Variants in DNAH8 observed in about 807,000 individuals in gnomAD.
DNAH8 encodes dynein axonemal heavy chain 8.
Under a neutral mutation model 562.1 loss-of-function variants are expected in DNAH8, and 382 were observed. The observed-to-expected ratio is 0.68, with a 90% CI of 0.63 to 0.74. The LOEUF is 0.74. Among genes scored for constraint, DNAH8 ranks in the 30% least tolerant of loss-of-function variants. DNAH8 has a pLI of 0.00. For synonymous variants in DNAH8, 1,881 were observed against 1,919.4 expected (o/e 0.98, Z 0.52); for missense variants, 5,203 against 5,620.4 (o/e 0.93, Z 2.37).
intron 1 of DNAH8, chr6:38,716,612 A>C (rs1220040898): frequency 2.0e-5 from 3 of 152,078 alleles, no homozygotes; most frequent in African/African-American, 4.8e-5. Flanking sequence ...TTCACCTGTC[A>C]TTGACATTGA....
intron 41 of DNAH8, among the ~76,000 whole-genome samples, chr6:38,854,659 G>A (rs562736610): frequency 3.3e-5 from 5 of 151,998 alleles, no homozygotes; most frequent in South Asian, 2.1e-4. Context: ...CTAAATCCAC[G>A]TATTTTCTTT....
chr6:38,804,805 C>T (rs1291364226), intron 22 of DNAH8, among the ~76,000 whole-genome samples: 2 of 146,500 alleles, frequency 1.4e-5, no homozygotes, highest in African/African-American at 2.6e-5. Flanking sequence ...GAAAACTGTG[C>T]CTGGAACAGT....
At chr6:38,758,721 G>A (rs1766179934) in intron 10 of DNAH8, among the ~76,000 whole-genome samples, 1 of 152,102 alleles carries the variant, frequency 6.6e-6, no homozygotes, top group Non-Finnish European at 1.5e-5. Flanking sequence ...CTAATTTATT[G>A]AGAGTTTTTA....
chr6:38,843,253 C>T (rs1562966648), intron 35 of DNAH8, among the ~76,000 whole-genome samples: 1 of 151,814 alleles, frequency 6.6e-6, no homozygotes, highest in African/African-American at 2.4e-5. Context: ...TAATTTTATG[C>T]TTTTTCCTGT....
At chr6:39,007,793 C>T (rs1314217299) in intron 88 of DNAH8, among the ~76,000 whole-genome samples, 1 of 152,008 alleles carries the variant, frequency 6.6e-6, no homozygotes, top group Non-Finnish European at 1.5e-5. Context: ...TGCCTCCCAC[C>T]ACCCCACCCC....
At chr6:38,777,662 T>G (rs1738261) in intron 13 of DNAH8, among the ~76,000 whole-genome samples, 38,672 of 151,976 alleles carry the variant, frequency 0.25, 5,492 homozygotes, top group East Asian at 0.46. Flanking sequence ...TGAACTGCTG[T>G]CCTCAAGCTA....
intron 41 of DNAH8, among the ~76,000 whole-genome samples, chr6:38,854,190 G>A (rs527382654): frequency 2.0e-5 from 3 of 152,186 alleles, no homozygotes; most frequent in African/African-American, 7.2e-5. Flanking sequence ...GACATAAATT[G>A]TTGAGAGGCT....
In DNAH8 at chr6:38,746,129, T is replaced by C. The variant is rs149690973; in HGVS notation, c.1293+4242T>C. ...TCCTTCCACGTTTATTAATCAGAAT[T>C]CTTATGTAAGAAAATGTTGTCTCTT... On this transcript the variant is annotated intron_variant, in intron 8 of 92. Transcript: ENST00000327475. 4.9e-3 allele frequency among the ~76,000 whole-genome samples: 739 copies of C among 152,340 alleles called. 8 individuals carry two copies. The highest frequency in any genetic ancestry group is 0.017 in the African/African-American group (696 of 41,584).
intron 26 of DNAH8, among the ~76,000 whole-genome samples, chr6:38,818,485 AT>A: frequency 6.7e-6 from 1 of 149,314 alleles, no homozygotes; most frequent in Non-Finnish European, 1.5e-5. Context: ...ATGCTTTTCC[AT>A]AAAGTTACTG....
At chr6:38,883,125 T>A in intron 54 of DNAH8, 73 bp downstream of exon 54, 1 of 1,412,810 alleles carries the variant, frequency 7.1e-7, no homozygotes, top group Non-Finnish European at 9.5e-7. Flanking sequence ...CCATATTTTC[T>A]TCCAGCACTT....
intron 8 of DNAH8, among the ~76,000 whole-genome samples, chr6:38,744,641 G>A (rs1445326772): frequency 6.6e-6 from 1 of 151,940 alleles, no homozygotes; most frequent in Non-Finnish European, 1.5e-5. Flanking sequence ...CACTTAGGCT[G>A]GAGTGCAGTG....
In DNAH8 at chr6:38,866,655, C is replaced by T. The variant is rs1173170111; in HGVS notation, c.6563C>T (p.Ala2188Val). The change falls in exon 46 of 93, where the codon GCT becomes GTT. Residue 2188 changes from alanine (A) to valine (V), a missense_variant. Around this residue, in one of 6 missense-constraint regions of DNAH8, gnomAD observed 2,176 missense variants for 2,365.1 expected, o/e 0.92. Coordinates refer to ENST00000327475, the MANE Select transcript of DNAH8 (RefSeq NM_001206927.2). ...CTAAAAATCCAGTTTAGAACTGTTG[C>T]TATGATGGTTCCTGATAGACAGGTA... ...ENLKIQFRTV[A>V]MMVPDRQIIM... 1 of 1,612,910 alleles carries T rather than the reference C, an allele frequency of 6.2e-7. No individual in the cohort carries two copies. The highest frequency in any genetic ancestry group is 1.7e-5 in the Admixed American group (1 of 59,936).
intron 28 of DNAH8, among the ~76,000 whole-genome samples, chr6:38,825,746 C>T (rs1562916154): frequency 1.3e-5 from 2 of 152,072 alleles, no homozygotes; most frequent in Admixed American, 6.6e-5. Context: ...AGTAGAAAAG[C>T]AAGAAACCTG....
chr6:38,831,410 G>A (rs1027141587), intron 30 of DNAH8, among the ~76,000 whole-genome samples: 4 of 123,514 alleles, frequency 3.2e-5, no homozygotes, highest in Non-Finnish European at 6.4e-5. Context: ...CCAGCCTGGT[G>A]ACAGAGTGAG....
intron 11 of DNAH8, chr6:38,763,611 C>T (rs1326289549): frequency 2.3e-5 from 4 of 175,950 alleles, no homozygotes; most frequent in Admixed American, 6.3e-5. Context: ...CCCAGGAGTT[C>T]GAGACCAGCC....
chr6:38,722,792 C>T lies in DNAH8; in HGVS notation c.-18C>T. On this transcript the variant is annotated 5_prime_UTR_variant, in exon 2 of 93. Coordinates refer to ENST00000327475, the MANE Select transcript of DNAH8 (RefSeq NM_001206927.2). Reference sequence around the variant, plus strand: ...TAATTCTAGGTTTCGAAGTATAAAGCATTCCGCACGACGGGGGATGGAGAA... The same window carrying T: ...TAATTCTAGGTTTCGAAGTATAAAGTATTCCGCACGACGGGGGATGGAGAA... The T allele has an allele frequency of 6.4e-7, 1 of 1,557,360 alleles. No homozygotes were observed. Among genetic ancestry groups the T allele is most frequent in the Non-Finnish European group, 8.7e-7 (1 of 1,155,158 alleles).
chr6:38,953,455 C>T (rs1212303151), intron 82 of DNAH8, among the ~76,000 whole-genome samples: 2 of 152,164 alleles, frequency 1.3e-5, no homozygotes. Flanking sequence ...GTGTTATATC[C>T]TTTAGTGTTA....
Position 38,807,733 on chromosome 6 carries a change from C to A in DNAH8, c.3257+17C>A, listed in dbSNP as rs775734829. 2 of 1,369,280 alleles carry A rather than the reference C, an allele frequency of 1.5e-6. No individual in the cohort carries two copies. Among genetic ancestry groups the A allele is most frequent in the Admixed American group, 2.3e-5 (1 of 43,606 alleles). 84.8% of individuals were successfully genotyped at this position (1,369,280 alleles called of 1,614,324 possible). On this transcript the variant is annotated intron_variant, in intron 24 of 92. Coordinates refer to ENST00000327475, the MANE Select transcript of DNAH8 (RefSeq NM_001206927.2). ...TGTTGCAAGGCAAGTTGAAAATATG[C>A]TAATTATGTCTGGTAATCATACTTA...
chr6:38,898,230 AT>A, intron 60 of DNAH8, 27 bp from the exon 61 acceptor site: 3 of 1,559,840 alleles, frequency 1.9e-6, no homozygotes, highest in East Asian at 2.4e-5. Context: ...CTTAAATATT[AT>A]TTTTTTATCT....
Sources: gnomAD v4.1 joint callset for allele counts (sites outside exome capture counted in the v4.1 genomes callset) on GRCh38, gnomAD v4.1.1 for gene constraint, gnomAD v4.1.1 regional missense constraint, MANE v1.5 for transcripts, NCBI Gene and HGNC (gene_info 2026-07-23, HGNC 2026-07-21) for gene names.